The following NRG1 variants were observed in gnomAD, a reference collection of about 807,000 sequenced individuals.
The protein encoded by NRG1 is pro-neuregulin-1, membrane-bound isoform.
NRG1 carries 18 observed loss-of-function variants against 63.8 expected under a neutral mutation model. The ratio of observed to expected loss-of-function variants is 0.28; its 90% CI spans 0.19 to 0.42. The LOEUF is 0.42. Among genes scored for constraint, NRG1 ranks in the 10% least tolerant of loss-of-function variants. The pLI is 1.00. For synonymous variants in NRG1, 302 were observed against 301.3 expected (o/e 1.00, Z -0.02); for missense variants, 762 against 814.7 (o/e 0.94, Z 0.79).
chr8:32,420,141 C>T (rs1485641522), intron 1 of NRG1, among the ~76,000 whole-genome samples: 20 of 152,160 alleles, frequency 1.3e-4, no homozygotes, highest in Admixed American at 1.1e-3. Flanking sequence ...AAAGTGCAAG[C>T]GTATGACAAG....
intron 1 of NRG1, among the ~76,000 whole-genome samples, chr8:32,584,051 G>A (rs1322912138): frequency 5.1e-5 from 7 of 138,192 alleles, no homozygotes; most frequent in African/African-American, 7.9e-5. Flanking sequence ...TTGTAAAATA[G>A]GGGAGACTAT....
At chr8:31,988,669 C>A (rs1272642115) in intron 1 of NRG1, among the ~76,000 whole-genome samples, 4 of 152,050 alleles carry the variant, frequency 2.6e-5, no homozygotes, top group African/African-American at 9.7e-5. Context: ...GAAGGTAATA[C>A]ATACATAGCA....
intron 1 of NRG1, among the ~76,000 whole-genome samples, chr8:32,022,219 A>T (rs140117344): frequency 2.3e-3 from 343 of 152,328 alleles, no homozygotes; most frequent in Non-Finnish European, 4.0e-3. Flanking sequence ...GACATTAGGT[A>T]AAGAGAGAGT....
chr8:32,054,547 T>A (rs1399495808), intron 1 of NRG1, among the ~76,000 whole-genome samples: 1 of 152,192 alleles, frequency 6.6e-6, no homozygotes, highest in Non-Finnish European at 1.5e-5. Flanking sequence ...AGCATTTAGA[T>A]GATGATGTTT....
intron 1 of NRG1, among the ~76,000 whole-genome samples, chr8:31,951,029 T>C (rs1221295999): frequency 6.6e-6 from 1 of 152,274 alleles, no homozygotes; most frequent in Non-Finnish European, 1.5e-5. Flanking sequence ...GTTAATCCTC[T>C]TATTAACTTC....
At chr8:31,878,532 C>T (rs1233356114) in intron 1 of NRG1, among the ~76,000 whole-genome samples, 1 of 152,136 alleles carries the variant, frequency 6.6e-6, no homozygotes, top group South Asian at 2.1e-4. Flanking sequence ...TACTATTTAT[C>T]GATTGTTATA....
chr8:32,031,192 G>A (rs533645229), intron 1 of NRG1, among the ~76,000 whole-genome samples: 1 of 152,254 alleles, frequency 6.6e-6, no homozygotes, highest in Non-Finnish European at 1.5e-5. Flanking sequence ...CTGCTACCAT[G>A]GCTACCATCC....
intron 1 of NRG1, among the ~76,000 whole-genome samples, chr8:32,055,671 A>C (rs1173062886): frequency 3.2e-5 from 2 of 61,654 alleles, no homozygotes; most frequent in Non-Finnish European, 5.3e-5. Context: ...ATATTTTGAC[A>C]CTTTTTTTTT....
At chr8:32,007,076 T>A (rs1474067087) in intron 1 of NRG1, among the ~76,000 whole-genome samples, 3 of 152,066 alleles carry the variant, frequency 2.0e-5, no homozygotes, top group Non-Finnish European at 4.4e-5. Context: ...CCTCTTGTTT[T>A]GATTTAAATG....
chr8:32,223,687 G>A (rs1379605282), intron 1 of NRG1, among the ~76,000 whole-genome samples: 1 of 152,172 alleles, frequency 6.6e-6, no homozygotes, highest in African/African-American at 2.4e-5. Context: ...CTTGTCAACT[G>A]TACGTGAACA....
chr8:32,284,533 TC>T, intron 1 of NRG1, among the ~76,000 whole-genome samples: 1 of 151,124 alleles, frequency 6.6e-6, no homozygotes, highest in South Asian at 2.1e-4. Flanking sequence ...CTTCCTTCCT[TC>T]CTTCCTTCTT....
intron 1 of NRG1, among the ~76,000 whole-genome samples, chr8:32,445,749 G>C (rs1017078400): frequency 2.6e-5 from 4 of 151,914 alleles, no homozygotes; most frequent in African/African-American, 9.7e-5. Context: ...AGTAAGGAAG[G>C]CATAATTGAT....
At chr8:32,310,184 T>C (rs1856661281) in intron 1 of NRG1, among the ~76,000 whole-genome samples, 1 of 152,226 alleles carries the variant, frequency 6.6e-6, no homozygotes, top group African/African-American at 2.4e-5. Flanking sequence ...GCAAACATTT[T>C]GTGAATAATT....
chr8:31,645,698 A>G (rs1325115687), intron 1 of NRG1, among the ~76,000 whole-genome samples: 1 of 152,116 alleles, frequency 6.6e-6, no homozygotes, highest in Non-Finnish European at 1.5e-5. Flanking sequence ...GAACCAGGAT[A>G]TTTTTCCCTA....
chr8:32,281,243 T>A (rs550995689), intron 1 of NRG1, among the ~76,000 whole-genome samples: 2 of 138,170 alleles, frequency 1.4e-5, no homozygotes, highest in East Asian at 2.2e-4. Context: ...AGTGGTGCGA[T>A]CTCAGCTCAC....
chr8:32,209,219 C>T (rs1844401768), intron 1 of NRG1, among the ~76,000 whole-genome samples: 1 of 151,878 alleles, frequency 6.6e-6, no homozygotes, highest in South Asian at 2.1e-4. Flanking sequence ...ACAATGAATG[C>T]CTGACATAGC....
At chr8:31,695,295 G>T (rs141991494) in intron 1 of NRG1, among the ~76,000 whole-genome samples, 1 of 152,098 alleles carries the variant, frequency 6.6e-6, no homozygotes, top group African/African-American at 2.4e-5. Flanking sequence ...TCAGCCTCCC[G>T]AGTAGGTGGG....
chr8:32,175,717 G>A (rs899319468), intron 1 of NRG1, among the ~76,000 whole-genome samples: 63 of 152,266 alleles, frequency 4.1e-4, no homozygotes, highest in African/African-American at 1.4e-3. Context: ...AATCATGAGT[G>A]AACTCCCATT....
chr8:31,990,337 A>C (rs141528768), intron 1 of NRG1, among the ~76,000 whole-genome samples: 143 of 152,224 alleles, frequency 9.4e-4, no homozygotes, highest in African/African-American at 3.2e-3. Context: ...GTACCCAATC[A>C]CAGGATATGC....
Sources: gnomAD v4.1 joint callset for allele counts (sites outside exome capture counted in the v4.1 genomes callset) on GRCh38, gnomAD v4.1.1 for gene constraint, MANE v1.5 for transcripts, NCBI Gene and HGNC (gene_info 2026-07-23, HGNC 2026-07-21) for gene names.